Variants in DISC1 observed in about 807,000 individuals in gnomAD.
DISC1 encodes disrupted in schizophrenia 1 protein.
DISC1 carries 57 observed loss-of-function variants against 84.5 expected under a neutral mutation model. That is an observed-to-expected ratio of 0.67 (90% CI 0.55 to 0.84). The LOEUF is 0.84. DISC1 is among the 40% of genes least tolerant of loss of function. DISC1 has a pLI of 0.00. For synonymous variants in DISC1, 411 were observed against 415.2 expected (o/e 0.99, Z 0.12); for missense variants, 1,000 against 1,057.8 (o/e 0.95, Z 0.76).
intron 3 of DISC1, among the ~76,000 whole-genome samples, chr1:231,705,884 C>G (rs1329644445): frequency 6.6e-6 from 1 of 152,076 alleles, no homozygotes; most frequent in East Asian, 1.9e-4. Context: ...AGAGGTTTGC[C>G]AGAAGAAATG....
At chr1:231,836,508 C>T (rs988203651) in intron 9 of DISC1, among the ~76,000 whole-genome samples, 1 of 152,170 alleles carries the variant, frequency 6.6e-6, no homozygotes, top group African/African-American at 2.4e-5. Flanking sequence ...GGCAAATATC[C>T]TTTTCCATTG....
chr1:231,855,352 T>C (rs935840643), intron 9 of DISC1: 1 of 980,984 alleles, frequency 1.0e-6, no homozygotes, highest in Non-Finnish European at 1.2e-6. Flanking sequence ...AAACAGTACA[T>C]TAAAAAGACA....
chr1:231,788,883 C>T (rs1027627284), intron 6 of DISC1, among the ~76,000 whole-genome samples: 5 of 150,940 alleles, frequency 3.3e-5, no homozygotes, highest in African/African-American at 1.2e-4. Context: ...AGGATGCTTC[C>T]ACCCCACCCC....
chr1:231,760,265 A>G (rs746489221), intron 4 of DISC1, among the ~76,000 whole-genome samples: 1 of 152,164 alleles, frequency 6.6e-6, no homozygotes, highest in Non-Finnish European at 1.5e-5. Flanking sequence ...GGCCTTGGTA[A>G]TTTAGGGCAT....
intron 9 of DISC1, among the ~76,000 whole-genome samples, chr1:231,925,528 A>G (rs2090312368): frequency 6.6e-6 from 1 of 152,202 alleles, no homozygotes; most frequent in Non-Finnish European, 1.5e-5. Flanking sequence ...GTGACAACAC[A>G]TGTAACATGC....
At chr1:231,740,163 C>T (rs2073060407) in intron 3 of DISC1, among the ~76,000 whole-genome samples, 1 of 152,190 alleles carries the variant, frequency 6.6e-6, no homozygotes, top group African/African-American at 2.4e-5. Context: ...CTGGGCAATA[C>T]ATTTCTGTTG....
At chr1:231,991,127 C>G (rs2102917453) in intron 10 of DISC1, among the ~76,000 whole-genome samples, 1 of 152,356 alleles carries the variant, frequency 6.6e-6, no homozygotes, top group South Asian at 2.1e-4. Context: ...TATGTGTCCA[C>G]TTAGCTGCAC....
intron 7 of DISC1, 81 bp from the exon 8 acceptor site, chr1:231,800,027 A>G (rs915344864): frequency 9.8e-7 from 1 of 1,016,180 alleles, no homozygotes; most frequent in Non-Finnish European, 1.5e-6. Context: ...ACAAACCCAG[A>G]AATCTCTGAC....
chr1:231,942,233 G>T (rs2091385474), intron 9 of DISC1, among the ~76,000 whole-genome samples: 1 of 152,222 alleles, frequency 6.6e-6, no homozygotes, highest in South Asian at 2.1e-4. Flanking sequence ...AGTATAAAAA[G>T]GTGCAGGGGA....
At chr1:232,000,252 A>T (rs1211585034) in intron 10 of DISC1, among the ~76,000 whole-genome samples, 1 of 152,208 alleles carries the variant, frequency 6.6e-6, no homozygotes, top group Non-Finnish European at 1.5e-5. Context: ...AAAGATATAG[A>T]AATTTTTTTA....
chr1:232,008,158 A>G (rs1057400722), intron 10 of DISC1, among the ~76,000 whole-genome samples: 2 of 152,182 alleles, frequency 1.3e-5, no homozygotes, highest in African/African-American at 4.8e-5. Context: ...GACTAATACA[A>G]TAGAGTCTAG....
intron 6 of DISC1, among the ~76,000 whole-genome samples, chr1:231,777,620 C>G (rs2077051084): frequency 6.6e-6 from 1 of 152,256 alleles, no homozygotes; most frequent in Non-Finnish European, 1.5e-5. Context: ...AGTGTGTGAG[C>G]AATGCTGGCC....
At chr1:231,769,455 G>A (rs2076397203) in intron 5 of DISC1, among the ~76,000 whole-genome samples, 2 of 152,182 alleles carry the variant, frequency 1.3e-5, no homozygotes, top group Non-Finnish European at 2.9e-5. Flanking sequence ...TCTGACACAC[G>A]CTACAGCATG....
intron 9 of DISC1, among the ~76,000 whole-genome samples, chr1:231,848,572 G>A (rs1241028791): frequency 6.6e-6 from 1 of 152,146 alleles, no homozygotes. Flanking sequence ...CCTCTCCTTT[G>A]TGTAGCAAGG....
At chr1:231,721,519 A>G (rs2069700180) in intron 3 of DISC1, among the ~76,000 whole-genome samples, 1 of 152,218 alleles carries the variant, frequency 6.6e-6, no homozygotes, top group Non-Finnish European at 1.5e-5. Context: ...TATTTTTCTT[A>G]AAGACCTTAT....
At chr1:231,640,528 ATTT>A (rs58820518) in intron 1 of DISC1, among the ~76,000 whole-genome samples, 13 of 133,244 alleles carry the variant, frequency 9.8e-5, no homozygotes, top group African/African-American at 2.3e-4. Context: ...CCTCCTTGGT[ATTT>A]TTTTTTTTTT....
At chr1:231,720,705 C>A in intron 3 of DISC1, 1 of 550,452 alleles carries the variant, frequency 1.8e-6, no homozygotes, top group Non-Finnish European at 2.9e-6. Flanking sequence ...AGTTTTCTAC[C>A]ACTGGGTGAT....
intron 9 of DISC1, chr1:231,941,192 T>C (rs534292239): frequency 4.6e-5 from 7 of 152,388 alleles, no homozygotes; most frequent in Admixed American, 4.6e-4. Context: ...ATGAGAGTTT[T>C]TGGGCTTCTT....
intron 4 of DISC1, among the ~76,000 whole-genome samples, chr1:231,766,269 G>A (rs2076164142): frequency 7.2e-6 from 1 of 139,656 alleles, no homozygotes; most frequent in African/African-American, 2.6e-5. Flanking sequence ...CAGCCTGGGT[G>A]TCGCAGTAAG....
Sources: allele counts gnomAD v4.1 joint callset (sites outside exome capture counted in the v4.1 genomes callset), GRCh38; gene constraint gnomAD v4.1.1; transcripts MANE v1.5; gene names NCBI Gene and HGNC (gene_info 2026-07-23, HGNC 2026-07-21).